Variants in SLAMF9 observed in about 807,000 individuals in gnomAD.
The protein encoded by SLAMF9 is SLAM family member 9.
A neutral mutation model predicts 30.4 loss-of-function variants in SLAMF9; 25 were observed. The ratio of observed to expected loss-of-function variants is 0.82; its 90% CI spans 0.60 to 1.15. The LOEUF (loss-of-function observed/expected upper bound fraction) is 1.15. Ranked by LOEUF, SLAMF9 falls within the 50% of genes most tolerant of loss-of-function variation. The pLI is 0.00. For missense variants in SLAMF9, 344 were observed against 346.1 expected, an observed-to-expected ratio of 0.99 and a Z score of 0.05; for synonymous variants, 129 against 127.2, an observed-to-expected ratio of 1.01 and a Z score of -0.09.
chr1:159,979,105 C>A, the SLAMF9 span: 2 of 152,154 alleles, frequency 1.3e-5, no homozygotes, highest in Non-Finnish European at 2.9e-5. Context: ...TGGTAATGTT[C>A]AATTTTCTGA....
At chr1:159,978,256 G>A in the SLAMF9 span, among the ~76,000 whole-genome samples, 4 of 152,120 alleles carry the variant, frequency 2.6e-5, no homozygotes, top group African/African-American at 9.7e-5. Flanking sequence ...GAAGAAGCAA[G>A]CAGGACAAGA....
chr1:159,964,425 G>C, the SLAMF9 span, among the ~76,000 whole-genome samples: 1 of 152,178 alleles, frequency 6.6e-6, no homozygotes, highest in Admixed American at 6.5e-5. Flanking sequence ...CTCAAGGACT[G>C]CCGCAGGGAA....
At chr1:159,969,358 C>G in the SLAMF9 span, among the ~76,000 whole-genome samples, 1 of 152,148 alleles carries the variant, frequency 6.6e-6, no homozygotes, top group Non-Finnish European at 1.5e-5. Flanking sequence ...CAGCTAAGTC[C>G]TTCCTCTAGA....
In SLAMF9 at chr1:159,951,526, G is replaced by A. The variant is rs1176824475; in HGVS notation, c.*135C>T. On this transcript the variant is annotated 3_prime_UTR_variant, in exon 4 of 4. Transcript: ENST00000368093. ...CTTAATTTGACTTTATTGCCAGCCAGTCTTCCCTCAGAAGTATGGCTCTCT... is the reference window on the plus strand; with the variant it reads ...CTTAATTTGACTTTATTGCCAGCCAATCTTCCCTCAGAAGTATGGCTCTCT... 1.3e-6 allele frequency: 1 copy of A among 756,166 alleles called. No homozygotes were observed. Among genetic ancestry groups the A allele is most frequent in the African/African-American group, 1.8e-5 (1 of 56,858 alleles). 46.8% of individuals were successfully genotyped at this position (756,166 alleles called of 1,614,324 possible). A position where few individuals can be genotyped will look rare whatever the true frequency, so the allele number is the denominator to read the frequency against.
the SLAMF9 span, among the ~76,000 whole-genome samples, chr1:159,960,733 C>T: frequency 1.8e-4 from 22 of 121,222 alleles, no homozygotes; most frequent in South Asian, 4.2e-3. Context: ...GGATTACAGG[C>T]ATGAGTCACT....
chr1:159,977,385 G>C, the SLAMF9 span, among the ~76,000 whole-genome samples: 1 of 152,196 alleles, frequency 6.6e-6, no homozygotes, highest in Non-Finnish European at 1.5e-5. Context: ...AAGACGTGAG[G>C]TTAGCAGATG....
At chr1:159,973,285 G>A in the SLAMF9 span, 1 of 688,636 alleles carries the variant, frequency 1.5e-6, no homozygotes, top group Non-Finnish European at 2.5e-6. Flanking sequence ...AACTGCTCTG[G>A]GGAGATGCAG....
At chr1:159,971,683 C>A in the SLAMF9 span, among the ~76,000 whole-genome samples, 1 of 152,124 alleles carries the variant, frequency 6.6e-6, no homozygotes, top group African/African-American at 2.4e-5. Context: ...CTCGTTCTAT[C>A]ACCTCATTTT....
the SLAMF9 span, among the ~76,000 whole-genome samples, chr1:159,964,038 T>G: frequency 6.6e-6 from 1 of 152,130 alleles, no homozygotes; most frequent in South Asian, 2.1e-4. Flanking sequence ...CCAGCCTAGG[T>G]GACAATGCAA....
the SLAMF9 span, chr1:159,976,969 A>G: frequency 7.3e-5 from 3 of 41,264 alleles, no homozygotes; most frequent in African/African-American, 1.0e-4. Context: ...AGAGAAAGAA[A>G]GAAGGAAAGA....
In SLAMF9 at chr1:159,952,514, T is replaced by G. The variant is rs752470366; in HGVS notation, c.412A>C (p.Ile138Leu). Residue 138 changes from isoleucine (I) to leucine (L), a missense_variant, in exon 3 of 4, where the codon ATC becomes CTC. Physicochemically the swap from Ile to Leu is conservative, Grantham distance 5 (BLOSUM62 2). Coordinates refer to ENST00000368093, the MANE Select transcript of SLAMF9 (RefSeq NM_033438.4). ...CVYRWLSEPQ[I>L]TVNFESSGEG... The stretch of plus-strand genomic sequence containing the variant: ...CCAGAACTCTCAAAGTTCACAGTGA[T>G]CTGGGGCTCTGACAGCCATCCTGGA... 1.2e-6 allele frequency: 2 copies of G among 1,613,840 alleles called. No homozygotes were observed. The highest frequency in any genetic ancestry group is 2.2e-5 in the South Asian group (2 of 91,082).
chr1:159,954,103 A>C lies in SLAMF9; in HGVS notation c.35T>G (p.Leu12Arg). 1 of 1,614,084 alleles carries C rather than the reference A, an allele frequency of 6.2e-7. No homozygotes were observed. Among genetic ancestry groups the C allele is most frequent in the African/African-American group, 1.3e-5 (1 of 75,026 alleles). ...GCAGCTTCACTCACCCTCCTGGAGC[A>C]GCAGGAGAAGAAGCAGCCAAGGAAA... ...CAFPWLLLLL[L>R]LQEGSQRRLW... Residue 12 changes from leucine to arginine, a missense_variant, in exon 1 of 4, where the codon CTG (leucine) becomes CGG (arginine). Coordinates refer to ENST00000368093, the MANE Select transcript of SLAMF9 (RefSeq NM_033438.4).
chr1:159,951,774 C>A lies in SLAMF9; in HGVS notation c.757G>T (p.Gly253Ter). The A allele has an allele frequency of 6.2e-7, 1 of 1,614,080 alleles. No individual in the cohort carries two copies. The highest frequency in any genetic ancestry group is 8.5e-7 in the Non-Finnish European group (1 of 1,180,034). Residue 253 changes from glycine (G) to a stop codon, truncating the protein, a stop_gained, in exon 4 of 4, where the codon GGA (glycine) becomes TGA (stop). Transcript: ENST00000368093. LOFTEE classifies it high-confidence loss of function. ...IFLLLVILAM[G>*]LWVIRVQKRH... ...TTCTGGACTCGGATGACCCAGAGTC[C>A]CATGGCCAGAATTACCAAGAGCAAG...
the SLAMF9 span, among the ~76,000 whole-genome samples, chr1:159,975,589 A>G: frequency 2.0e-5 from 3 of 152,042 alleles, no homozygotes; most frequent in African/African-American, 7.2e-5. Flanking sequence ...TGAAATTGGG[A>G]GTAATTGAAT....
At chr1:159,981,056 G>T in the SLAMF9 span, among the ~76,000 whole-genome samples, 1 of 152,186 alleles carries the variant, frequency 6.6e-6, no homozygotes, top group Non-Finnish European at 1.5e-5. Context: ...GCTGAATTGT[G>T]GCCCCCAAAA....
At chr1:159,957,917 A>G (rs1651962342), upstream of SLAMF9, among the ~76,000 whole-genome samples, 1 of 152,232 alleles carries the variant, frequency 6.6e-6, no homozygotes, top group African/African-American at 2.4e-5. Context: ...GTTCAGAGAT[A>G]AAGAGTTTTA....
intron 2 of SLAMF9, among the ~76,000 whole-genome samples, chr1:159,952,822 T>C (rs902422758): frequency 2.0e-5 from 3 of 152,226 alleles, no homozygotes; most frequent in African/African-American, 7.2e-5. Flanking sequence ...TCTGTCTCCT[T>C]GATCCCATGA....
Position 159,952,381 on chromosome 1 carries a change from C to A in SLAMF9, c.545G>T (p.Gly182Val), listed in dbSNP as rs774119616. 1.2e-6 allele frequency: 2 copies of A among 1,613,914 alleles called. No individual in the cohort carries two copies. The highest frequency in any genetic ancestry group is 2.2e-5 in the East Asian group (1 of 44,870). ...RGDSTYTFHE[G>V]PVLSTSWRPG... Reference sequence around the variant, plus strand: ...CCTCCAGGATGTGCTGAGGACAGGGCCTTCATGGAATGTATAAGTGCTATC... The same window carrying A: ...CCTCCAGGATGTGCTGAGGACAGGGACTTCATGGAATGTATAAGTGCTATC... The change falls in exon 3 of 4, where the codon GGC (glycine) becomes GTC (valine). Residue 182 changes from glycine (G) to valine (V), a missense_variant. Physicochemically the swap from Gly to Val is moderately radical, Grantham distance 109. Coordinates refer to ENST00000368093, the MANE Select transcript of SLAMF9 (RefSeq NM_033438.4).
chr1:159,961,462 T>G, the SLAMF9 span: 1 of 152,374 alleles, frequency 6.6e-6, no homozygotes, highest in East Asian at 1.9e-4. Flanking sequence ...GATCTGCATG[T>G]GTCTTCTATC....
Sources: allele counts gnomAD v4.1 joint callset (sites outside exome capture counted in the v4.1 genomes callset), GRCh38; gene constraint gnomAD v4.1.1; transcripts MANE v1.5; gene names NCBI Gene and HGNC (gene_info 2026-07-23, HGNC 2026-07-21).